Variants in TRIM66 observed in about 807,000 individuals in gnomAD.
TRIM66 encodes tripartite motif containing 66, also known as tripartite motif-containing protein 66.
TRIM66 carries 99 observed loss-of-function variants against 148.2 expected under a neutral mutation model. The observed-to-expected ratio is 0.67, with a 90% CI of 0.57 to 0.79. The LOEUF is 0.79. Ranked by LOEUF, TRIM66 falls within the 30% of genes least tolerant of loss-of-function variation. The pLI, the probability that TRIM66 is intolerant of heterozygous loss-of-function variation, is 0.00. For missense variants in TRIM66, 1,666 were observed against 1,697.9 expected, an observed-to-expected ratio of 0.98 and a Z score of 0.33; for synonymous variants, 616 against 635.9, an observed-to-expected ratio of 0.97 and a Z score of 0.47.
In TRIM66 at chr11:8,617,792, T is replaced by C. The variant is rs145239621; in HGVS notation, c.*152A>G. 16 of 689,554 alleles carry C rather than the reference T, an allele frequency of 2.3e-5. No homozygotes were observed. The highest frequency in any genetic ancestry group is 4.0e-5 in the Non-Finnish European group (16 of 398,342). The allele number at this position is 689,554 out of a possible 1,614,324, so 42.7% of individuals were successfully genotyped here. ...GGATGTACTACGGCTCCCAAATAAA[T>C]GCTGTAGATGCAAATGGCAAAGAAG... On this transcript the variant is annotated 3_prime_UTR_variant, in exon 25 of 25. Transcript: ENST00000646038.
upstream of TRIM66, chr11:8,682,691 G>A (rs569042340): frequency 6.3e-5 from 74 of 1,175,220 alleles, no homozygotes; most frequent in African/African-American, 1.1e-3. Flanking sequence ...AATCCCGCGA[G>A]ACCAGGAGGC....
chr11:8,668,277 T>C (rs2038722900), intron 6 of TRIM66, among the ~76,000 whole-genome samples: 1 of 152,060 alleles, frequency 6.6e-6, no homozygotes, highest in Non-Finnish European at 1.5e-5. Context: ...TTTTTTTTTA[T>C]TGTTGAGTTG....
At position 8,640,300 on chromosome 11, in the gene TRIM66, A is replaced by T. The variant is rs944682485; in HGVS notation, c.2075T>A (p.Ile692Asn). 1 of 1,551,540 alleles carries T rather than the reference A, an allele frequency of 6.4e-7. No homozygotes were observed. Among genetic ancestry groups the T allele is most frequent in the Non-Finnish European group, 8.7e-7 (1 of 1,147,008 alleles). Residue 692 changes from isoleucine (I) to asparagine (N), a missense_variant, in exon 14 of 25, where the codon ATT (isoleucine) becomes AAT (asparagine). Ile to Asn is a moderately radical substitution (Grantham distance 149). Around this residue, in one of 3 missense-constraint regions of TRIM66, gnomAD observed 1,431 missense variants for 1,412.4 expected, o/e 1.01. Transcript: ENST00000646038. ...CACGATGTAGTTGATCTGCCCCACAATGGTTTGCTGAAGATGCTGAGGAGA... is the reference window on the plus strand; with the variant it reads ...CACGATGTAGTTGATCTGCCCCACATTGGTTTGCTGAAGATGCTGAGGAGA... ...TKSPQHLQQT[I>N]VGQINYIVRQ...
intron 17 of TRIM66, among the ~76,000 whole-genome samples, chr11:8,624,115 T>C (rs2034572140): frequency 6.6e-6 from 1 of 152,178 alleles, no homozygotes; most frequent in South Asian, 2.1e-4. Context: ...CCCAGGACTC[T>C]TTGCATGGGG....
chr11:8,625,762 T>C (rs1007689475), intron 15 of TRIM66, among the ~76,000 whole-genome samples: 3 of 152,218 alleles, frequency 2.0e-5, no homozygotes, highest in Non-Finnish European at 4.4e-5. Context: ...AACTCTTATC[T>C]GCCTCAGACC....
At chr11:8,642,868 A>AAAAAT in intron 13 of TRIM66, 141 bp downstream of exon 13, 1 of 254,072 alleles carries the variant, frequency 3.9e-6, no homozygotes, top group Non-Finnish European at 7.2e-6. Flanking sequence ...AAAAAAAAAA[A>AAAAAT]GGTTTGCTGA....
At chr11:8,651,021 T>C (rs1277526419) in intron 7 of TRIM66, among the ~76,000 whole-genome samples, 1 of 152,190 alleles carries the variant, frequency 6.6e-6, no homozygotes, top group Non-Finnish European at 1.5e-5. Flanking sequence ...ATTCATTTCG[T>C]AAGCAAATAT....
At chr11:8,648,753 A>T (rs997702873) in intron 8 of TRIM66, among the ~76,000 whole-genome samples, 1 of 152,224 alleles carries the variant, frequency 6.6e-6, no homozygotes, top group Non-Finnish European at 1.5e-5. Context: ...TTGTCCAGAA[A>T]TAGCACACCA....
intron 12 of TRIM66, among the ~76,000 whole-genome samples, chr11:8,645,429 C>G (rs10840098): frequency 0.21 from 32,008 of 152,126 alleles, 4,089 homozygotes; most frequent in Non-Finnish European, 0.3. Flanking sequence ...CTGCTCATGT[C>G]CAGGGTAATG....
intron 22 of TRIM66, 124 bp from the exon 23 acceptor site, chr11:8,619,659 T>G: frequency 2.1e-6 from 2 of 958,312 alleles, no homozygotes. Context: ...GGAAGAGGAA[T>G]GATGAGGAGC....
rs1332265448 is a variant in TRIM66 at position 8,666,794 on chromosome 11, A to C, written c.340+4992T>G. Among the ~76,000 whole-genome samples the C allele has an allele frequency of 5.3e-5, 8 of 152,212 alleles. No individual in the cohort carries two copies. In the East Asian group the frequency reaches 1.5e-3, roughly 29 times the overall value. On this transcript the variant is annotated intron_variant, in intron 6 of 24. Transcript: ENST00000646038. ...CAATTAGAATAACTTGGCAACAAAT[A>C]CTATGATTCAGGTAATTGTCATACA...
Position 8,624,532 on chromosome 11 carries a change from G to C in TRIM66, c.2846C>G (p.Thr949Ser), listed in dbSNP as rs867767531. The C allele has an allele frequency of 2.0e-6, 3 of 1,528,584 alleles. No individual in the cohort carries two copies. The highest frequency in any genetic ancestry group is 4.9e-5 in the East Asian group (2 of 40,768). 94.7% of individuals were successfully genotyped at this position (1,528,584 alleles called of 1,614,324 possible). ...TTGTCCCAGTAAGTCAGTGAAGCGA[G>C]TGGAATCCTCACTTTCCATCTTTCA... ...ALCKMESEDS[T>S]RFTDLLGQGP... The change falls in exon 17 of 25, where the codon ACT (threonine) becomes AGT (serine). Residue 949 changes from threonine to serine, a missense_variant. Thr to Ser is a moderately conservative substitution (Grantham distance 58). Around this residue, in one of 3 missense-constraint regions of TRIM66, gnomAD observed 1,431 missense variants for 1,412.4 expected, o/e 1.01. Coordinates refer to ENST00000646038, the MANE Select transcript of TRIM66 (RefSeq NM_001388022.1).
chr11:8,681,085 T>C (rs546849916), intron 1 of TRIM66, among the ~76,000 whole-genome samples: 15 of 151,908 alleles, frequency 9.9e-5, no homozygotes, highest in Admixed American at 4.6e-4. Context: ...TGTAGACTAC[T>C]CTTTTGGGGA....
chr11:8,640,709 C>T lies in TRIM66; in HGVS notation c.1666G>A (p.Val556Met), dbSNP rs974759812. The change falls in exon 14 of 25, where the codon GTG (valine) becomes ATG (methionine). Residue 556 changes from valine (V) to methionine (M), a missense_variant. Physicochemically the swap from Val to Met is conservative, Grantham distance 21 (BLOSUM62 1). Around this residue, in one of 3 missense-constraint regions of TRIM66, gnomAD observed 1,431 missense variants for 1,412.4 expected, o/e 1.01. Coordinates refer to ENST00000646038, the MANE Select transcript of TRIM66 (RefSeq NM_001388022.1). ...RLGQQLTSQP[V>M]CIVPPQDVQQ... is the part of the protein sequence containing the mutation. ...ACATCCTGTGGGGGGACAATGCACA[C>T]GGGCTGGGAAGTCAGCTGCTGCCCC... The T allele has an allele frequency of 1.7e-5, 26 of 1,551,348 alleles. No homozygotes were observed. Among genetic ancestry groups the T allele is most frequent in the African/African-American group, 8.2e-5 (6 of 72,990 alleles).
chr11:8,648,164 AG>A, intron 9 of TRIM66, 78 bp from the exon 10 acceptor site: 1 of 1,318,998 alleles, frequency 7.6e-7, no homozygotes, highest in Non-Finnish European at 1.1e-6. Context: ...GAATCTCCAC[AG>A]GGAACTGTCT....
At position 8,620,786 on chromosome 11, in the gene TRIM66, G is replaced by C. The variant is rs147339755; in HGVS notation, c.3546-214C>G. Among the ~76,000 whole-genome samples the C allele has an allele frequency of 4.5e-4, 69 of 152,350 alleles. No individual in the cohort carries two copies. In the East Asian group the frequency reaches 0.01, roughly 23 times the overall value. On this transcript the variant is annotated intron_variant, in intron 20 of 24. Coordinates refer to ENST00000646038, the MANE Select transcript of TRIM66 (RefSeq NM_001388022.1). ...TAGGGGAGGCTGGGGTAGTAGTATA[G>C]GCACAAATCCACATGCAAGAAGAAG...
intron 6 of TRIM66, among the ~76,000 whole-genome samples, chr11:8,653,682 G>C (rs1007804462): frequency 1.3e-5 from 2 of 151,872 alleles, no homozygotes; most frequent in African/African-American, 4.8e-5. Flanking sequence ...TAAGCACAAA[G>C]TTTAGAGGTG....
At chr11:8,654,277 A>C (rs2037622761) in intron 6 of TRIM66, among the ~76,000 whole-genome samples, 1 of 152,176 alleles carries the variant, frequency 6.6e-6, no homozygotes, top group Non-Finnish European at 1.5e-5. Context: ...CCTAACATAC[A>C]ACCTGTGTTT....
At chr11:8,664,882 T>C (rs763402564) in intron 6 of TRIM66, among the ~76,000 whole-genome samples, 13 of 152,076 alleles carry the variant, frequency 8.5e-5, no homozygotes, top group Admixed American at 1.3e-4. Flanking sequence ...GTTGAAGAAT[T>C]AGAGTTGAAA....
Sources: allele counts gnomAD v4.1 joint callset (sites outside exome capture counted in the v4.1 genomes callset), GRCh38; gene constraint gnomAD v4.1.1; regional missense constraint gnomAD v4.1.1; transcripts MANE v1.5; gene names NCBI Gene and HGNC (gene_info 2026-07-23, HGNC 2026-07-21).